GALNTL5: variants seen among roughly 807,000 people sequenced by gnomAD.
GALNTL5 encodes inactive polypeptide N-acetylgalactosaminyltransferase-like protein 5.
A neutral mutation model predicts 51.0 loss-of-function variants in GALNTL5; 44 were observed. The observed-to-expected ratio is 0.86, with a 90% CI of 0.68 to 1.11. The LOEUF (loss-of-function observed/expected upper bound fraction) is 1.11. Ranked by LOEUF, GALNTL5 falls within the 50% of genes least tolerant of loss-of-function variation. The pLI, the probability that GALNTL5 is intolerant of heterozygous loss-of-function variation, is 0.00. For synonymous variants in GALNTL5, 192 were observed against 182.8 expected (o/e 1.05, Z -0.41); for missense variants, 528 against 531.8 (o/e 0.99, Z 0.07).
chr7:151,960,116 G>A (rs1367547858), intron 1 of GALNTL5: 1 of 152,232 alleles, frequency 6.6e-6, no homozygotes, highest in Non-Finnish European at 1.5e-5. Context: ...AAGGGCCTCT[G>A]ACTCTGTTAA....
chr7:151,999,335 C>T (rs952213034), intron 5 of GALNTL5, among the ~76,000 whole-genome samples: 4 of 152,130 alleles, frequency 2.6e-5, no homozygotes, highest in African/African-American at 9.7e-5. Flanking sequence ...TGACCATGCA[C>T]ATATATACAT....
At chr7:151,988,492 GA>G (rs1296000542) in intron 5 of GALNTL5, among the ~76,000 whole-genome samples, 5 of 151,542 alleles carry the variant, frequency 3.3e-5, no homozygotes, top group East Asian at 1.9e-4. Context: ...AAGGACAAAA[GA>G]AAAAAAACAA....
At chr7:151,959,143 C>A (rs1390795802) in intron 1 of GALNTL5, among the ~76,000 whole-genome samples, 1 of 152,132 alleles carries the variant, frequency 6.6e-6, no homozygotes, top group African/African-American at 2.4e-5. Context: ...CCCCTCTCTG[C>A]CTAGGAATTT....
At chr7:151,970,156 C>T (rs551107412) in intron 2 of GALNTL5, among the ~76,000 whole-genome samples, 2 of 45,488 alleles carry the variant, frequency 4.4e-5, no homozygotes, top group Non-Finnish European at 1.1e-4. Flanking sequence ...GTTGGGGGGG[C>T]CCCCACCAAT....
chr7:152,004,559 C>T (rs754841336), intron 6 of GALNTL5, among the ~76,000 whole-genome samples: 9 of 152,144 alleles, frequency 5.9e-5, no homozygotes, highest in Non-Finnish European at 1.3e-4. Flanking sequence ...ACCACTCAAA[C>T]AATGTACACC....
At chr7:151,961,575 T>C (rs959886321) in intron 1 of GALNTL5, among the ~76,000 whole-genome samples, 2 of 152,098 alleles carry the variant, frequency 1.3e-5, no homozygotes, top group Admixed American at 6.5e-5. Context: ...TGGGAGACAA[T>C]AGTAAATATT....
intron 5 of GALNTL5, among the ~76,000 whole-genome samples, chr7:151,998,789 A>AG (rs2081533809): frequency 6.7e-6 from 1 of 150,286 alleles, no homozygotes; most frequent in African/African-American, 2.5e-5. Context: ...AAAAACAAAA[A>AG]ACAAAACTAC....
At chr7:151,975,372 G>A (rs2081193292) in intron 3 of GALNTL5, among the ~76,000 whole-genome samples, 2 of 151,960 alleles carry the variant, frequency 1.3e-5, no homozygotes, top group South Asian at 4.1e-4. Context: ...GTTCATAGTA[G>A]TCTTTTATGA....
chr7:151,982,841 A>T (rs767613412), intron 3 of GALNTL5, 145 bp from the exon 4 acceptor site: 8 of 1,540,282 alleles, frequency 5.2e-6, no homozygotes, highest in Non-Finnish European at 7.0e-6. Flanking sequence ...GTGTTTTTAG[A>T]TGTACTGTCA....
rs575149271 is a variant in GALNTL5, at chr7:151,994,026, C to T, written c.658+6745C>T. Among the ~76,000 whole-genome samples, 6 of 152,280 alleles carry T rather than the reference C, an allele frequency of 3.9e-5. No individual in the cohort carries two copies. In the South Asian group the frequency reaches 1.2e-3, roughly 32 times the overall value. On this transcript the variant is annotated intron_variant, in intron 5 of 8. Coordinates refer to ENST00000392800, the MANE Select transcript of GALNTL5 (RefSeq NM_145292.4). The stretch of plus-strand genomic sequence containing the variant: ...TGTTCATATCTTTGATGATGGAATT[C>T]GACTTCATTTCTAAGTTTCTTAGAG...
intron 4 of GALNTL5, among the ~76,000 whole-genome samples, chr7:151,983,807 G>A (rs1474141432): frequency 1.3e-5 from 2 of 152,092 alleles, no homozygotes; most frequent in East Asian, 3.9e-4. Flanking sequence ...CATCGTAAAG[G>A]CCCAGAGGTA....
intron 2 of GALNTL5, among the ~76,000 whole-genome samples, chr7:151,969,098 A>C (rs2081094768): frequency 6.6e-6 from 1 of 152,226 alleles, no homozygotes; most frequent in East Asian, 1.9e-4. Context: ...TTATTCAAAA[A>C]GCACAATTTT....
intron 1 of GALNTL5, among the ~76,000 whole-genome samples, chr7:151,964,293 T>C (rs575427378): frequency 1.3e-5 from 2 of 152,184 alleles, no homozygotes; most frequent in Non-Finnish European, 2.9e-5. Flanking sequence ...TGCTTCCACA[T>C]GTGAGTTGCA....
rs183321439 is a variant in GALNTL5 at position 152,018,502 on chromosome 7, A to G, written c.1177-1144A>G. On this transcript the variant is annotated intron_variant, in intron 8 of 8. Transcript: ENST00000392800. ...CGCTGGTCAGGGATCTAGATGGTTG[A>G]ATTGAACATAGCTATTTCTGCATGG... 2.0e-4 allele frequency among the ~76,000 whole-genome samples: 31 copies of G among 152,212 alleles called. No individual in the cohort carries two copies. The East Asian group carries it at 5.8e-3, about 28-fold the overall frequency.
intron 5 of GALNTL5, among the ~76,000 whole-genome samples, chr7:152,000,109 C>T (rs7797930): frequency 0.68 from 102,896 of 152,072 alleles, 35,667 homozygotes; most frequent in South Asian, 0.85. Context: ...TGTTAGTTTT[C>T]TGCCGAAAAT....
chr7:152,001,418 C>T (rs988737398), intron 5 of GALNTL5, among the ~76,000 whole-genome samples: 2 of 152,016 alleles, frequency 1.3e-5, no homozygotes, highest in Non-Finnish European at 2.9e-5. Context: ...GTCTATGACC[C>T]ATTTGATTTG....
intron 5 of GALNTL5, among the ~76,000 whole-genome samples, chr7:151,993,608 T>C (rs2081455604): frequency 6.6e-6 from 1 of 152,166 alleles, no homozygotes; most frequent in Admixed American, 6.5e-5. Context: ...TTTCACAATG[T>C]CTATGTGTAT....
chr7:152,007,921 G>A lies in GALNTL5; in HGVS notation c.1003G>A (p.Glu335Lys), dbSNP rs761283722. The change falls in exon 7 of 9, where the codon GAA (glutamate) becomes AAA (lysine). Residue 335 changes from glutamate (E) to lysine (K), a missense_variant. Physicochemically the swap from Glu to Lys is moderately conservative, Grantham distance 56. Transcript: ENST00000392800. ...CAAGGATATGGATTTTTGGGGAAGA[G>A]AAAATTTGGAACTTTCACTAAGGGT... ...YDKDMDFWGR[E>K]NLELSLRIWM... 5.0e-6 allele frequency: 8 copies of A among 1,594,782 alleles called. No homozygotes were observed. Among genetic ancestry groups the A allele is most frequent in the Non-Finnish European group, 6.9e-6 (8 of 1,163,380 alleles).
intron 8 of GALNTL5, 66 bp downstream of exon 8, chr7:152,014,859 C>G: frequency 7.1e-7 from 1 of 1,402,162 alleles, no homozygotes; most frequent in Non-Finnish European, 9.6e-7. Flanking sequence ...TCTGAGGAAG[C>G]CTGCTGCTGC....
Sources: allele counts gnomAD v4.1 joint callset (sites outside exome capture counted in the v4.1 genomes callset), GRCh38; gene constraint gnomAD v4.1.1; transcripts MANE v1.5; gene names NCBI Gene and HGNC (gene_info 2026-07-23, HGNC 2026-07-21).